The following ENTREP2 variants were observed in gnomAD, a reference collection of about 807,000 sequenced individuals.
ENTREP2 encodes the protein endosomal transmembrane epsin interactor 2.
At chr15:29,374,822 T>C in the ENTREP2 span, 1 of 152,218 alleles carries the variant, frequency 6.6e-6, no homozygotes, top group Admixed American at 6.5e-5. Flanking sequence ...TTGCAATGCC[T>C]GTAAGTCCAC....
At chr15:29,595,216 A>G in the ENTREP2 span, among the ~76,000 whole-genome samples, 129,826 of 152,052 alleles carry the variant, frequency 0.85, 55,705 homozygotes, top group Non-Finnish European at 0.9. Context: ...TCGCGCCACT[A>G]CGCTCCAGCC....
chr15:29,510,766 C>T, the ENTREP2 span, among the ~76,000 whole-genome samples: 3 of 150,498 alleles, frequency 2.0e-5, no homozygotes, highest in South Asian at 2.1e-4. Context: ...GAGATCATGC[C>T]GCCACTACAC....
At chr15:29,662,925 C>T in the ENTREP2 span, among the ~76,000 whole-genome samples, 1 of 151,562 alleles carries the variant, frequency 6.6e-6, no homozygotes, top group Non-Finnish European at 1.5e-5. Flanking sequence ...GTTGGTCAGG[C>T]TGGTCTCAAA....
chr15:29,132,310 G>T, the ENTREP2 span, among the ~76,000 whole-genome samples: 1 of 152,180 alleles, frequency 6.6e-6, no homozygotes. Context: ...CTCTGTGGAC[G>T]GTAATGGGTT....
At chr15:29,578,704 C>T in the ENTREP2 span, among the ~76,000 whole-genome samples, 3 of 152,304 alleles carry the variant, frequency 2.0e-5, no homozygotes, top group East Asian at 1.9e-4. Flanking sequence ...AAGTTCCTTA[C>T]GGACAGGAAT....
At chr15:29,142,805 AG>A in the ENTREP2 span, among the ~76,000 whole-genome samples, 2 of 152,226 alleles carry the variant, frequency 1.3e-5, no homozygotes, top group Non-Finnish European at 2.9e-5. Context: ...GCAGCTGGCG[AG>A]GAAGTAAGTG....
the ENTREP2 span, among the ~76,000 whole-genome samples, chr15:29,235,507 G>C: frequency 2.6e-5 from 4 of 151,202 alleles, no homozygotes; most frequent in African/African-American, 9.9e-5. Flanking sequence ...CAAAGAGAAA[G>C]CCTCAAAGAA....
the ENTREP2 span, among the ~76,000 whole-genome samples, chr15:29,599,745 A>G: frequency 0.48 from 73,183 of 152,054 alleles, 17,808 homozygotes; most frequent in Middle Eastern, 0.56. Flanking sequence ...GCAAGATGAT[A>G]TATGTTTTAA....
the ENTREP2 span, among the ~76,000 whole-genome samples, chr15:29,441,094 A>G: frequency 1.3e-5 from 2 of 152,242 alleles, no homozygotes; most frequent in Non-Finnish European, 2.9e-5. Context: ...GTGCATTGAT[A>G]AAATGGAGTC....
chr15:29,517,929 T>C, the ENTREP2 span, among the ~76,000 whole-genome samples: 3 of 152,158 alleles, frequency 2.0e-5, no homozygotes, highest in African/African-American at 7.2e-5. Context: ...AGCTCTGATG[T>C]TTTGTACATG....
the ENTREP2 span, among the ~76,000 whole-genome samples, chr15:29,156,145 T>TTTG: frequency 9.2e-5 from 14 of 151,964 alleles, no homozygotes; most frequent in East Asian, 3.9e-4. Context: ...CAACCTGTTT[T>TTTG]TTGTTGTTGT....
chr15:29,343,912 A>T, the ENTREP2 span, among the ~76,000 whole-genome samples: 175 of 152,370 alleles, frequency 1.1e-3, no homozygotes, highest in African/African-American at 3.9e-3. Context: ...TAAGATACAA[A>T]AAAAGAGAAT....
At chr15:29,440,900 A>G in the ENTREP2 span, among the ~76,000 whole-genome samples, 6 of 152,134 alleles carry the variant, frequency 3.9e-5, no homozygotes, top group African/African-American at 1.4e-4. Flanking sequence ...CATCCCAAAA[A>G]AGAACGTTCC....
the ENTREP2 span, among the ~76,000 whole-genome samples, chr15:29,262,167 T>C: frequency 3.9e-5 from 6 of 152,192 alleles, no homozygotes; most frequent in South Asian, 1.2e-3. Flanking sequence ...CATGGTGTTA[T>C]GATATATACA....
the ENTREP2 span, among the ~76,000 whole-genome samples, chr15:29,393,272 C>T: frequency 6.6e-6 from 1 of 152,172 alleles, no homozygotes; most frequent in East Asian, 1.9e-4. Context: ...GAAAACTTTT[C>T]CCTAGAGAGG....
At chr15:29,350,166 G>A in the ENTREP2 span, among the ~76,000 whole-genome samples, 1 of 152,076 alleles carries the variant, frequency 6.6e-6, no homozygotes, top group Middle Eastern at 3.4e-3. Flanking sequence ...TAAGAAATAG[G>A]GGGATTTTTC....
At chr15:29,390,167 G>T in the ENTREP2 span, among the ~76,000 whole-genome samples, 1 of 152,154 alleles carries the variant, frequency 6.6e-6, no homozygotes, top group Non-Finnish European at 1.5e-5. Flanking sequence ...ATCGGATCTT[G>T]AACTGTTTTT....
chr15:29,231,834 A>G, the ENTREP2 span, among the ~76,000 whole-genome samples: 1 of 151,804 alleles, frequency 6.6e-6, no homozygotes, highest in Non-Finnish European at 1.5e-5. Context: ...CATAAAGAGT[A>G]ATTTAAGATC....
At chr15:29,550,027 C>A in the ENTREP2 span, among the ~76,000 whole-genome samples, 1 of 152,202 alleles carries the variant, frequency 6.6e-6, no homozygotes, top group African/African-American at 2.4e-5. Flanking sequence ...GACCACAGTT[C>A]TGGTGGCTGT....
Sources: gnomAD v4.1 joint callset for allele counts (sites outside exome capture counted in the v4.1 genomes callset) on GRCh38, gnomAD v4.1.1 for gene constraint, MANE v1.5 for transcripts, NCBI Gene and HGNC (gene_info 2026-07-23, HGNC 2026-07-21) for gene names.